SPOCK1: variants seen among roughly 807,000 people sequenced by gnomAD.
SPOCK1 encodes testican-1.
SPOCK1 carries 23 observed loss-of-function variants against 55.3 expected under a neutral mutation model. The observed-to-expected ratio is 0.42, with a 90% CI of 0.30 to 0.59. SPOCK1 has a LOEUF of 0.59. Among genes scored for constraint, SPOCK1 ranks in the 20% least tolerant of loss-of-function variants. SPOCK1 has a pLI of 0.22. For synonymous variants in SPOCK1, 226 were observed against 221.0 expected (o/e 1.02, Z -0.20); for missense variants, 499 against 552.5 (o/e 0.90, Z 0.97).
At chr5:137,291,510 T>TC (rs1477596342) in intron 2 of SPOCK1, among the ~76,000 whole-genome samples, 3 of 152,204 alleles carry the variant, frequency 2.0e-5, no homozygotes, top group Non-Finnish European at 4.4e-5. Flanking sequence ...TCATGGTGTT[T>TC]CCATGGCAAC....
intron 6 of SPOCK1, among the ~76,000 whole-genome samples, chr5:137,018,034 T>C (rs953832923): frequency 3.9e-5 from 6 of 152,230 alleles, no homozygotes. Flanking sequence ...CCTGGAACAG[T>C]GGTTCTCAAC....
chr5:137,136,370 A>T (rs1753986108), intron 4 of SPOCK1, among the ~76,000 whole-genome samples: 1 of 152,140 alleles, frequency 6.6e-6, no homozygotes, highest in African/African-American at 2.4e-5. Flanking sequence ...ACTGCCCTTC[A>T]CCCAGATGAT....
chr5:137,155,822 A>G (rs1235613901), intron 3 of SPOCK1, among the ~76,000 whole-genome samples: 2 of 152,210 alleles, frequency 1.3e-5, no homozygotes, highest in African/African-American at 2.4e-5. Context: ...GCTGTGTCCA[A>G]TCAACAAGGG....
chr5:137,386,813 C>A (rs965995583), intron 2 of SPOCK1, among the ~76,000 whole-genome samples: 1 of 151,976 alleles, frequency 6.6e-6, no homozygotes, highest in African/African-American at 2.4e-5. Context: ...TAAGCTGGAC[C>A]TCATTAAACT....
At chr5:137,457,835 A>G (rs17727721) in intron 2 of SPOCK1, among the ~76,000 whole-genome samples, 5,817 of 152,298 alleles carry the variant, frequency 0.038, 302 homozygotes, top group Admixed American at 0.15. Context: ...CGAACAAGGT[A>G]ACTCTCCTTC....
chr5:136,989,772 G>A (rs948596845), intron 7 of SPOCK1, among the ~76,000 whole-genome samples: 3 of 152,078 alleles, frequency 2.0e-5, no homozygotes, highest in African/African-American at 4.8e-5. Context: ...AGAGTGTCAC[G>A]TTTAGGGATG....
At chr5:137,002,582 T>A (rs1475344914) in intron 6 of SPOCK1, among the ~76,000 whole-genome samples, 1 of 152,170 alleles carries the variant, frequency 6.6e-6, no homozygotes, top group African/African-American at 2.4e-5. Context: ...TTTCCCTACA[T>A]GGGAGACTTG....
At chr5:137,175,200 G>A (rs966079714) in intron 3 of SPOCK1, among the ~76,000 whole-genome samples, 1 of 152,204 alleles carries the variant, frequency 6.6e-6, no homozygotes, top group Non-Finnish European at 1.5e-5. Flanking sequence ...GGAAAAGAGG[G>A]TGTTAGGAGT....
At chr5:137,181,480 T>G (rs1754967798) in intron 3 of SPOCK1, among the ~76,000 whole-genome samples, 1 of 152,306 alleles carries the variant, frequency 6.6e-6, no homozygotes. Context: ...CTCTCAAATT[T>G]CTGCCTCAGA....
intron 2 of SPOCK1, among the ~76,000 whole-genome samples, chr5:137,308,906 T>C (rs1757745248): frequency 6.6e-6 from 1 of 152,166 alleles, no homozygotes; most frequent in Admixed American, 6.5e-5. Context: ...AACAGTGTTA[T>C]ACCCAGAGAG....
intron 5 of SPOCK1, among the ~76,000 whole-genome samples, chr5:137,086,525 G>A (rs1191933132): frequency 6.6e-6 from 1 of 152,160 alleles, no homozygotes; most frequent in East Asian, 1.9e-4. Context: ...GCAGAGCATC[G>A]TGTACAGAAC....
intron 2 of SPOCK1, among the ~76,000 whole-genome samples, chr5:137,453,769 C>A (rs187718140): frequency 1.3e-5 from 2 of 152,092 alleles, no homozygotes; most frequent in Non-Finnish European, 2.9e-5. Flanking sequence ...AGGGGTAGAG[C>A]GAGACATGAT....
intron 2 of SPOCK1, among the ~76,000 whole-genome samples, chr5:137,319,974 CA>C (rs1032582840): frequency 9.4e-6 from 1 of 105,946 alleles, no homozygotes; most frequent in Non-Finnish European, 2.0e-5. Context: ...AAAAAAAAAA[CA>C]ACACATGATC....
chr5:137,066,373 C>T (rs1752505245), intron 6 of SPOCK1, among the ~76,000 whole-genome samples: 1 of 152,132 alleles, frequency 6.6e-6, no homozygotes, highest in African/African-American at 2.4e-5. Context: ...TCCTGACCTC[C>T]AGCTATCCAC....
chr5:137,196,373 T>C lies in SPOCK1; in HGVS notation c.233-55679A>G, dbSNP rs924573660. On this transcript the variant is annotated intron_variant, in intron 3 of 10. Coordinates refer to ENST00000394945, the MANE Select transcript of SPOCK1 (RefSeq NM_004598.4). ...CTGAAAACCTTTCGGTGGGTTCCCATTGCTGCTAGGATGAGGACAGTACTC... is the reference window on the plus strand; with the variant it reads ...CTGAAAACCTTTCGGTGGGTTCCCACTGCTGCTAGGATGAGGACAGTACTC... 6.6e-5 allele frequency among the ~76,000 whole-genome samples: 10 copies of C among 152,166 alleles called. 1 individual carries two copies. Among genetic ancestry groups the C allele is most frequent in the African/African-American group, 2.2e-4 (9 of 41,456 alleles).
intron 3 of SPOCK1, among the ~76,000 whole-genome samples, chr5:137,168,107 T>C (rs1406611460): frequency 6.6e-6 from 1 of 151,840 alleles, no homozygotes; most frequent in Non-Finnish European, 1.5e-5. Flanking sequence ...AGAGAAGACA[T>C]ACATTGGGGA....
intron 5 of SPOCK1, among the ~76,000 whole-genome samples, chr5:137,076,656 G>A (rs915473095): frequency 2.0e-4 from 29 of 148,682 alleles, no homozygotes; most frequent in African/African-American, 5.7e-4. Flanking sequence ...CCAAAGTACA[G>A]TTTCTAGTAA....
intron 2 of SPOCK1, among the ~76,000 whole-genome samples, chr5:137,280,573 T>C (rs1301296630): frequency 1.3e-5 from 2 of 152,246 alleles, no homozygotes; most frequent in African/African-American, 4.8e-5. Flanking sequence ...ACAGTAATTA[T>C]GTCCTAGATC....
At chr5:137,020,280 A>T (rs1456909449) in intron 6 of SPOCK1, among the ~76,000 whole-genome samples, 2 of 151,882 alleles carry the variant, frequency 1.3e-5, no homozygotes, top group African/African-American at 4.8e-5. Flanking sequence ...ATAAAATTTT[A>T]AAAAGATATT....
Sources: allele counts gnomAD v4.1 joint callset (sites outside exome capture counted in the v4.1 genomes callset), GRCh38; gene constraint gnomAD v4.1.1; transcripts MANE v1.5; gene names NCBI Gene and HGNC (gene_info 2026-07-23, HGNC 2026-07-21).